Variants in BBS7 observed in about 807,000 individuals in gnomAD.
The protein encoded by BBS7 is BBSome complex member BBS7.
In BBS7, 50 loss-of-function variants were observed where a neutral mutation model predicts 90.3. That is an observed-to-expected ratio of 0.55 (90% CI 0.44 to 0.70). The LOEUF is 0.70. BBS7 is among the 30% of genes least tolerant of loss of function. BBS7 has a pLI of 0.00. For synonymous variants in BBS7, 235 were observed against 287.4 expected (o/e 0.82, Z 1.85); for missense variants, 729 against 838.9 (o/e 0.87, Z 1.62).
chr4:121,838,252 CA>C (rs747756476), intron 13 of BBS7, among the ~76,000 whole-genome samples: 1 of 148,624 alleles, frequency 6.7e-6, no homozygotes, highest in Non-Finnish European at 1.5e-5. Flanking sequence ...TTTCAAAGTA[CA>C]TAAAAGGGAA....
At chr4:121,851,464 G>A (rs758562071) in intron 8 of BBS7, among the ~76,000 whole-genome samples, 7 of 150,280 alleles carry the variant, frequency 4.7e-5, no homozygotes, top group Non-Finnish European at 8.9e-5. Context: ...AAAAGAAAGG[G>A]AAGAAAGGGA....
intron 7 of BBS7, among the ~76,000 whole-genome samples, chr4:121,854,426 C>T (rs571147381): frequency 1.3e-5 from 2 of 152,154 alleles, no homozygotes; most frequent in African/African-American, 4.8e-5. Flanking sequence ...ACTAAATTAC[C>T]TCAGACAATT....
At chr4:121,833,459 CG>C in intron 14 of BBS7, 64 bp from the exon 15 acceptor site, 1 of 1,429,144 alleles carries the variant, frequency 7.0e-7, no homozygotes, top group Middle Eastern at 1.7e-4. Flanking sequence ...TATATGTACA[CG>C]TTAATAAGCA....
intron 12 of BBS7, among the ~76,000 whole-genome samples, chr4:121,842,052 G>A (rs569392710): frequency 1.7e-3 from 266 of 152,070 alleles, no homozygotes; most frequent in African/African-American, 5.1e-3. Flanking sequence ...AGGAGTTCAA[G>A]ACTAGCCTGA....
intron 2 of BBS7, among the ~76,000 whole-genome samples, chr4:121,863,808 C>A (rs1727112724): frequency 6.6e-6 from 1 of 152,018 alleles, no homozygotes; most frequent in Non-Finnish European, 1.5e-5. Context: ...TTATCATGTG[C>A]CTATCACCTA....
intron 9 of BBS7, 66 bp from the exon 10 acceptor site, chr4:121,847,572 T>C (rs1229441033): frequency 3.5e-6 from 4 of 1,156,520 alleles, no homozygotes; most frequent in Non-Finnish European, 3.9e-6. Context: ...AAATTATGCA[T>C]TGTATAGCAG....
chr4:121,831,628 G>A (rs932991101), intron 15 of BBS7, among the ~76,000 whole-genome samples: 19 of 152,178 alleles, frequency 1.2e-4, no homozygotes, highest in African/African-American at 4.3e-4. Context: ...ATTAATGTGT[G>A]AGGTTCATTG....
At chr4:121,851,368 G>A (rs1162839909) in intron 8 of BBS7, among the ~76,000 whole-genome samples, 1 of 129,762 alleles carries the variant, frequency 7.7e-6, no homozygotes, top group African/African-American at 2.8e-5. Context: ...GCCCTGTTCT[G>A]CAAGGAGCAG....
chr4:121,845,696 C>T lies in BBS7; in HGVS notation c.1038G>A (p.Arg346=), dbSNP rs989502021. ...TATACTGCAAATGTTCCAACTCATT[C>T]CTGGAGAAAAACACATACAAATTTG... ...QEMQNKISSL[R]NELEHLQYKV... Residue 346 remains arginine, a splice_region_variant and synonymous_variant, in exon 11 of 19, where the codon CGG becomes CGA. Transcript: ENST00000264499. The T allele has an allele frequency of 3.7e-6, 6 of 1,610,702 alleles. No homozygotes were observed. The highest frequency in any genetic ancestry group is 3.4e-6 in the Non-Finnish European group (4 of 1,177,496).
chr4:121,843,230 C>T (rs1012677377), intron 12 of BBS7, among the ~76,000 whole-genome samples: 3 of 151,982 alleles, frequency 2.0e-5, no homozygotes, highest in Non-Finnish European at 4.4e-5. Flanking sequence ...AGCAGGAAAT[C>T]AGGAATATTG....
chr4:121,855,139 C>T (rs986771825), intron 6 of BBS7, among the ~76,000 whole-genome samples: 1 of 151,924 alleles, frequency 6.6e-6, no homozygotes, highest in African/African-American at 2.4e-5. Context: ...ATGGCGAAAC[C>T]CTGTCTCTAT....
chr4:121,859,185 A>C lies in BBS7; in HGVS notation c.342-7T>G. ...GTCTGAGCCAGATATGTGCCTGAGA[A>C]CATTAAAATAGTAATTTTTAAAAAT... On this transcript the variant is annotated splice_region_variant and splice_polypyrimidine_tract_variant and intron_variant, in intron 4 of 18. Coordinates refer to ENST00000264499, the MANE Select transcript of BBS7 (RefSeq NM_176824.3). The C allele has an allele frequency of 6.2e-7, 1 of 1,612,566 alleles. No homozygotes were observed. The highest frequency in any genetic ancestry group is 8.5e-7 in the Non-Finnish European group (1 of 1,178,682).
chr4:121,854,855 C>G (rs1726517880), intron 6 of BBS7, 35 bp from the exon 7 acceptor site: 1 of 1,565,334 alleles, frequency 6.4e-7, no homozygotes, highest in Admixed American at 1.7e-5. Flanking sequence ...TTATATTTAT[C>G]CTACAATTAG....
At chr4:121,855,604 A>T (rs1167439019) in intron 5 of BBS7, 43 bp from the exon 6 acceptor site, 1 of 1,501,126 alleles carries the variant, frequency 6.7e-7, no homozygotes, top group African/African-American at 1.4e-5. Context: ...ATACAAACTG[A>T]AAATAATAGA....
At chr4:121,862,345 C>T (rs1727028252) in intron 3 of BBS7, among the ~76,000 whole-genome samples, 1 of 152,006 alleles carries the variant, frequency 6.6e-6, no homozygotes, top group African/African-American at 2.4e-5. Context: ...TCTTCTCCTC[C>T]ACTTCCTCCC....
At chr4:121,858,336 T>C (rs1046033310) in intron 5 of BBS7, among the ~76,000 whole-genome samples, 1 of 151,586 alleles carries the variant, frequency 6.6e-6, no homozygotes, top group Non-Finnish European at 1.5e-5. Context: ...TACATGCTAT[T>C]TACCTTTAAA....
At position 121,859,058 on chromosome 4, in the gene BBS7, T is replaced by G; in HGVS notation, c.462A>C (p.Pro154=). 6.2e-7 allele frequency: 1 copy of G among 1,613,952 alleles called. No individual in the cohort carries two copies. Among genetic ancestry groups the G allele is most frequent in the Non-Finnish European group, 8.5e-7 (1 of 1,179,884 alleles). The part of the protein sequence containing the change: ...GDKINDVICL[P]VERLSRITPV... ...GTGTGATACGAGATAATCTTTCCAC[T>G]GGAAGGCAGATCACATCATTGATTT... The change falls in exon 5 of 19, where the codon CCA becomes CCC. Residue 154 remains proline, a synonymous_variant. Coordinates refer to ENST00000264499, the MANE Select transcript of BBS7 (RefSeq NM_176824.3).
chr4:121,857,516 G>A (rs1013331811), intron 5 of BBS7, among the ~76,000 whole-genome samples: 1 of 152,126 alleles, frequency 6.6e-6, no homozygotes, highest in African/African-American at 2.4e-5. Context: ...GTTAAAAAGA[G>A]GCAACCTCTG....
intron 15 of BBS7, among the ~76,000 whole-genome samples, 193 bp downstream of exon 15, chr4:121,833,038 T>C (rs2149053863): frequency 6.6e-6 from 1 of 152,324 alleles, no homozygotes; most frequent in Admixed American, 6.5e-5. Context: ...ACTTAGGAAA[T>C]ATATTGATCT....
Sources: allele counts gnomAD v4.1 joint callset (sites outside exome capture counted in the v4.1 genomes callset), GRCh38; gene constraint gnomAD v4.1.1; transcripts MANE v1.5; gene names NCBI Gene and HGNC (gene_info 2026-07-23, HGNC 2026-07-21).